ZFHX3: variants seen among roughly 807,000 people sequenced by gnomAD.
ZFHX3 encodes the protein zinc finger homeobox protein 3.
A neutral mutation model predicts 279.1 loss-of-function variants in ZFHX3; 42 were observed. The observed-to-expected ratio is 0.15, with a 90% confidence interval of 0.12 to 0.19. The LOEUF (loss-of-function observed/expected upper bound fraction) is 0.19, where lower values mean the gene tolerates loss of function less well. Among genes scored for constraint, ZFHX3 ranks in the 10% least tolerant of loss-of-function variants. The pLI, the probability that ZFHX3 is intolerant of heterozygous loss-of-function variation, is 1.00. For missense variants in ZFHX3, 4,981 were observed against 4,754.0 expected (o/e 1.05, Z -1.40); for synonymous variants, 2,293 against 1,957.8 (o/e 1.17, Z -4.52).
intron 2 of ZFHX3, among the ~76,000 whole-genome samples, chr16:73,597,131 G>A (rs781779187): frequency 2.6e-5 from 4 of 152,120 alleles, no homozygotes; most frequent in Non-Finnish European, 5.9e-5. Flanking sequence ...TCCCTGCCCT[G>A]GCTCAGGTTC....
intron 8 of ZFHX3, among the ~76,000 whole-genome samples, chr16:73,075,045 C>G (rs939520987): frequency 6.6e-6 from 1 of 152,140 alleles, no homozygotes; most frequent in African/African-American, 2.4e-5. Context: ...TGAGCTCAAG[C>G]AGTCCATCAG....
intron 2 of ZFHX3, among the ~76,000 whole-genome samples, chr16:73,544,199 A>T (rs1012167734): frequency 2.6e-5 from 4 of 152,094 alleles, no homozygotes; most frequent in African/African-American, 9.7e-5. Flanking sequence ...GAGAGGAAAA[A>T]AAAAGGTGGG....
intron 1 of ZFHX3, among the ~76,000 whole-genome samples, chr16:73,838,801 C>T (rs555002509): frequency 1.1e-4 from 17 of 151,844 alleles, no homozygotes; most frequent in South Asian, 1.0e-3. Flanking sequence ...CGTGCGCGCA[C>T]GCATGTATGG....
At chr16:72,971,878 ATTTTT>A (rs34508228) in intron 1 of ZFHX3, among the ~76,000 whole-genome samples, 49 of 95,468 alleles carry the variant, frequency 5.1e-4, no homozygotes, top group East Asian at 2.6e-3. Context: ...CTGCCTATTA[ATTTTT>A]TTTTTTTTTT....
chr16:73,751,996 GT>G (rs2142271024), intron 1 of ZFHX3, among the ~76,000 whole-genome samples: 1 of 152,300 alleles, frequency 6.6e-6, no homozygotes, highest in African/African-American at 2.4e-5. Context: ...AGAAACTAGG[GT>G]GGCTAAGACA....
chr16:73,555,771 G>A (rs117644616), intron 2 of ZFHX3, among the ~76,000 whole-genome samples: 12,475 of 151,518 alleles, frequency 0.082, 560 homozygotes, highest in Non-Finnish European at 0.1. Flanking sequence ...GGCGGAGGTT[G>A]CAGTGATCTG....
At chr16:72,823,352 G>C (rs2036846820) in intron 5 of ZFHX3, among the ~76,000 whole-genome samples, 1 of 152,198 alleles carries the variant, frequency 6.6e-6, no homozygotes, top group Non-Finnish European at 1.5e-5. Context: ...GATTTTTGTA[G>C]AGGTATGGTG....
At chr16:73,340,933 T>C (rs1391609596) in intron 3 of ZFHX3, among the ~76,000 whole-genome samples, 3 of 152,030 alleles carry the variant, frequency 2.0e-5, no homozygotes, top group Non-Finnish European at 4.4e-5. Flanking sequence ...ATTTAAAAAA[T>C]TGCATGAAAA....
At chr16:73,631,927 T>TCTCACACA (rs1437204921) in intron 2 of ZFHX3, among the ~76,000 whole-genome samples, 4 of 136,816 alleles carry the variant, frequency 2.9e-5, no homozygotes, top group African/African-American at 8.7e-5. Context: ...TCTCTCTCTC[T>TCTCACACA]CACACACACA....
At chr16:73,647,674 T>C (rs999218480) in intron 2 of ZFHX3, among the ~76,000 whole-genome samples, 3 of 151,890 alleles carry the variant, frequency 2.0e-5, no homozygotes, top group Non-Finnish European at 2.9e-5. Flanking sequence ...TTATGAAAAC[T>C]GTATCATAGT....
chr16:73,448,764 A>AT (rs1280849373), intron 3 of ZFHX3, among the ~76,000 whole-genome samples: 1 of 144,786 alleles, frequency 6.9e-6, no homozygotes, highest in East Asian at 2.0e-4. Flanking sequence ...CTATATATGA[A>AT]TTTTTTCTGT....
intron 1 of ZFHX3, chr16:73,014,474 T>TA (rs1487104798): frequency 6.6e-6 from 1 of 150,774 alleles, no homozygotes; most frequent in Non-Finnish European, 1.5e-5. Context: ...AATGCAAACT[T>TA]AAGTTTGTGT....
chr16:73,351,655 T>C (rs1032621120), intron 3 of ZFHX3, among the ~76,000 whole-genome samples: 7 of 152,254 alleles, frequency 4.6e-5, no homozygotes, highest in African/African-American at 1.2e-4. Flanking sequence ...GGCTGTTTGA[T>C]AGGTGAATTC....
intron 4 of ZFHX3, among the ~76,000 whole-genome samples, chr16:72,866,343 T>C (rs530472981): frequency 1.3e-5 from 2 of 152,304 alleles, no homozygotes; most frequent in East Asian, 1.9e-4. Context: ...GTAGACCCCC[T>C]GAGGGTGCAT....
At chr16:73,596,740 C>G (rs972290576) in intron 2 of ZFHX3, among the ~76,000 whole-genome samples, 1 of 152,234 alleles carries the variant, frequency 6.6e-6, no homozygotes. Context: ...ATCTATTACT[C>G]TATCTTCTCT....
chr16:73,619,257 G>C (rs1481087614), intron 2 of ZFHX3, among the ~76,000 whole-genome samples: 8 of 152,046 alleles, frequency 5.3e-5, no homozygotes, highest in Non-Finnish European at 1.2e-4. Flanking sequence ...GGGAGGCTGA[G>C]GCAGGTGGAT....
intron 2 of ZFHX3, among the ~76,000 whole-genome samples, chr16:73,600,298 G>A (rs1038789054): frequency 6.6e-6 from 1 of 152,068 alleles, no homozygotes; most frequent in Non-Finnish European, 1.5e-5. Flanking sequence ...GATGGTACCT[G>A]GGACATCACC....
At chr16:72,875,667 G>T (rs774513558) in intron 4 of ZFHX3, among the ~76,000 whole-genome samples, 1 of 152,200 alleles carries the variant, frequency 6.6e-6, no homozygotes, top group East Asian at 1.9e-4. Flanking sequence ...TTAAAGACTG[G>T]TATAGGGTTA....
chr16:73,276,406 A>G (rs543643208), intron 4 of ZFHX3, among the ~76,000 whole-genome samples: 1 of 152,016 alleles, frequency 6.6e-6, no homozygotes, highest in African/African-American at 2.4e-5. Flanking sequence ...CTGGTTTTGA[A>G]CACTTGGCCT....
Sources: gnomAD v4.1 joint callset for allele counts (sites outside exome capture counted in the v4.1 genomes callset) on GRCh38, gnomAD v4.1.1 for gene constraint, MANE v1.5 for transcripts, NCBI Gene and HGNC (gene_info 2026-07-23, HGNC 2026-07-21) for gene names.